The following PITPNM3 variants were observed in gnomAD, a reference collection of about 807,000 sequenced individuals.
The protein encoded by PITPNM3 is membrane-associated phosphatidylinositol transfer protein 3.
In PITPNM3, 26 loss-of-function variants were observed where a neutral mutation model predicts 102.0. The ratio of observed to expected loss-of-function variants is 0.25; its 90% CI spans 0.19 to 0.35. The LOEUF (loss-of-function observed/expected upper bound fraction) is 0.35, where lower values mean the gene tolerates loss of function less well. Among genes scored for constraint, PITPNM3 ranks in the 10% least tolerant of loss-of-function variants. The pLI is 1.00. For missense variants in PITPNM3, 1,083 were observed against 1,346.1 expected, an observed-to-expected ratio of 0.80 and a Z score of 3.06; for synonymous variants, 578 against 558.6, an observed-to-expected ratio of 1.03 and a Z score of -0.49.
At chr17:6,497,960 G>C (rs1357462090) in intron 4 of PITPNM3, among the ~76,000 whole-genome samples, 5 of 152,208 alleles carry the variant, frequency 3.3e-5, no homozygotes, top group Non-Finnish European at 7.3e-5. Context: ...GGCATGGAGC[G>C]GGTGAGGCAG....
chr17:6,461,015 C>A (rs1169342015), intron 18 of PITPNM3: 3 of 351,198 alleles, frequency 8.5e-6, no homozygotes, highest in Admixed American at 8.3e-5. Context: ...ACATCCTCTG[C>A]CCCCCTGGTT....
chr17:6,481,779 G>GATAGATAA (rs1905689935), intron 6 of PITPNM3: 1 of 148,518 alleles, frequency 6.7e-6, no homozygotes, highest in Non-Finnish European at 1.5e-5. Context: ...TAGATAGATA[G>GATAGATAA]ATAATGGATG....
intron 3 of PITPNM3, among the ~76,000 whole-genome samples, chr17:6,509,675 G>A (rs894541484): frequency 1.3e-5 from 2 of 151,962 alleles, no homozygotes; most frequent in African/African-American, 2.4e-5. Flanking sequence ...CCCTGCTCAG[G>A]CCACTCCCAG....
intron 3 of PITPNM3, among the ~76,000 whole-genome samples, chr17:6,506,339 C>T (rs1259173793): frequency 1.3e-5 from 2 of 149,670 alleles, no homozygotes; most frequent in Non-Finnish European, 3.0e-5. Context: ...TCTTTCTCTC[C>T]TTCCTTCCTT....
At chr17:6,538,115 T>C (rs750795101) in intron 1 of PITPNM3, 33 bp from the exon 2 acceptor site, 9 of 1,514,666 alleles carry the variant, frequency 5.9e-6, no homozygotes, top group Non-Finnish European at 8.2e-6. Context: ...TAACCAAGCC[T>C]GAGATGTTGT....
rs1477086528 is a variant in PITPNM3 at position 6,537,955 on chromosome 17, C to A, written c.118+32G>T. ...TCTTGAGGCTTCTAGGAAGGTCACC[C>A]AGCCAGTGATATGAGACTGGGGTTC... On this transcript the variant is annotated intron_variant, in intron 2 of 19. Transcript: ENST00000262483. The surrounding 1 kb of genome is among the most constrained non-coding windows in gnomAD (Gnocchi z 4.4). The A allele has an allele frequency of 1.3e-6, 2 of 1,572,094 alleles. No individual in the cohort carries two copies. Among genetic ancestry groups the A allele is most frequent in the African/African-American group, 1.4e-5 (1 of 73,944 alleles).
At chr17:6,463,671 C>A in intron 17 of PITPNM3, 61 bp downstream of exon 17, 1 of 1,580,184 alleles carries the variant, frequency 6.3e-7, no homozygotes, top group Admixed American at 1.8e-5. Flanking sequence ...ACATATTTCC[C>A]CCAGGGCTGC....
At chr17:6,515,379 CAG>C (rs1908103476) in intron 3 of PITPNM3, among the ~76,000 whole-genome samples, 1 of 114,244 alleles carries the variant, frequency 8.8e-6, no homozygotes, top group Admixed American at 1.2e-4. Flanking sequence ...GCCCGGGCAA[CAG>C]AGTGAGACTC....
intron 3 of PITPNM3, among the ~76,000 whole-genome samples, chr17:6,518,579 AG>A (rs1400956857): frequency 6.6e-6 from 1 of 152,226 alleles, no homozygotes; most frequent in Non-Finnish European, 1.5e-5. Flanking sequence ...ATAAATTCCA[AG>A]GAAGTAGAAG....
Position 6,461,470 on chromosome 17 carries a change from TGGGACAGCCACGACACCA to T in PITPNM3, c.2375_2392del (p.Val792_Gln798delinsGlu). 6.2e-7 allele frequency: 1 copy of T among 1,614,176 alleles called. No individual in the cohort carries two copies. The highest frequency in any genetic ancestry group is 8.5e-7 in the Non-Finnish European group (1 of 1,180,028). ...GATCATGCCCTGTGGGAAGTTGTGCTGGGACAGCCACGACACCACCCGCTGCTTCTGCATGTCCGGCCG... is the reference window on the plus strand; with the variant it reads ...GATCATGCCCTGTGGGAAGTTGTGCTCCCGCTGCTTCTGCATGTCCGGCCG... On this transcript the variant is annotated inframe_deletion, in exon 18 of 20. Coordinates refer to ENST00000262483, the MANE Select transcript of PITPNM3 (RefSeq NM_031220.4).
chr17:6,482,787 G>C (rs560749127), intron 6 of PITPNM3, among the ~76,000 whole-genome samples: 1 of 152,290 alleles, frequency 6.6e-6, no homozygotes, highest in Admixed American at 6.5e-5. Context: ...ATGTGGCCCG[G>C]AAGTCTTCTG....
intron 4 of PITPNM3, among the ~76,000 whole-genome samples, chr17:6,502,806 C>T (rs1035244729): frequency 2.0e-5 from 3 of 152,212 alleles, no homozygotes; most frequent in African/African-American, 4.8e-5. Context: ...CATTGGCCAC[C>T]GAGTCCTCCC....
At chr17:6,503,725 C>T (rs372270558) in intron 3 of PITPNM3, 151 bp from the exon 4 acceptor site, 1 of 815,050 alleles carries the variant, frequency 1.2e-6, no homozygotes, top group Non-Finnish European at 2.0e-6. Flanking sequence ...CCCTGCTCTG[C>T]CCTGACCTGA....
rs548613946 is a variant in PITPNM3, at chr17:6,454,550, G to A, written c.*788C>T. 3 of 152,498 alleles carry A rather than the reference G, an allele frequency of 2.0e-5. No individual in the cohort carries two copies. Among genetic ancestry groups the A allele is most frequent in the African/African-American group, 7.2e-5 (3 of 41,596 alleles). The allele number at this position is 152,498 out of a possible 1,614,324, so 9.4% of individuals were successfully genotyped here. On this transcript the variant is annotated 3_prime_UTR_variant, in exon 20 of 20. Transcript: ENST00000262483. Reference sequence around the variant, plus strand: ...ACAGAAGGAAGACGGAGCCCAGAGAGGGCAAGCAACCAGCTCAGGGGCTCA... The same window carrying A: ...ACAGAAGGAAGACGGAGCCCAGAGAAGGCAAGCAACCAGCTCAGGGGCTCA...
intron 5 of PITPNM3, 56 bp downstream of exon 5, chr17:6,484,160 T>G: frequency 2.0e-6 from 3 of 1,516,070 alleles, no homozygotes; most frequent in Non-Finnish European, 2.7e-6. Flanking sequence ...CCGAGGGCTC[T>G]TGCTAAAATC....
At chr17:6,541,286 A>AGTGTGTGT (rs113549938) in intron 1 of PITPNM3, among the ~76,000 whole-genome samples, 5,469 of 145,640 alleles carry the variant, frequency 0.038, 221 homozygotes, top group African/African-American at 0.087. Flanking sequence ...ATATGCTAAG[A>AGTGTGTGT]GTGTGTGTGT....
At chr17:6,492,725 C>T (rs1906569557) in intron 4 of PITPNM3, among the ~76,000 whole-genome samples, 2 of 151,962 alleles carry the variant, frequency 1.3e-5, no homozygotes, top group Admixed American at 6.6e-5. Context: ...GGCATGGTGG[C>T]GGGTGCCTGT....
At chr17:6,476,904 T>G in intron 9 of PITPNM3, 125 bp downstream of exon 9, 1 of 1,241,112 alleles carries the variant, frequency 8.1e-7, no homozygotes, top group Non-Finnish European at 1.1e-6. Flanking sequence ...CGAGTGGCCT[T>G]GGTCCCAGCA....
chr17:6,472,843 A>G lies in PITPNM3; in HGVS notation c.1259-16T>C. ...ACCTGGAAGCCTGGGGTGAGTGGGA[A>G]GACAGAGGGAAGCCACTTTCTAGTA... On this transcript the variant is annotated splice_polypyrimidine_tract_variant and intron_variant, in intron 10 of 19. Transcript: ENST00000262483. This position sits in a 1 kb window ranked among gnomAD's most constrained non-coding sequence, Gnocchi z 4.1. 1 of 1,613,716 alleles carries G rather than the reference A, an allele frequency of 6.2e-7. No homozygotes were observed. The highest frequency in any genetic ancestry group is 8.5e-7 in the Non-Finnish European group (1 of 1,179,860).
Sources: allele counts gnomAD v4.1 joint callset (sites outside exome capture counted in the v4.1 genomes callset), GRCh38; gene constraint gnomAD v4.1.1; non-coding constraint Gnocchi (gnomAD v3.1); transcripts MANE v1.5; gene names NCBI Gene and HGNC (gene_info 2026-07-23, HGNC 2026-07-21).